The following RUSC2 variants were observed in gnomAD, a reference collection of about 807,000 sequenced individuals.
RUSC2 encodes AP-4 complex accessory subunit RUSC2.
In RUSC2, 34 loss-of-function variants were observed where a neutral mutation model predicts 122.2. That is an observed-to-expected ratio of 0.28 (90% CI 0.21 to 0.37). The LOEUF (loss-of-function observed/expected upper bound fraction) is 0.37. RUSC2 is among the 10% of genes least tolerant of loss of function. The pLI, the probability that RUSC2 is intolerant of heterozygous loss-of-function variation, is 1.00. For missense variants in RUSC2, 1,747 were observed against 1,952.4 expected (o/e 0.89, Z 1.98); for synonymous variants, 784 against 790.0 (o/e 0.99, Z 0.13).
chr9:35,559,185 A>T (rs1822088378), intron 8 of RUSC2, 41 bp from the exon 9 acceptor site: 5 of 1,549,442 alleles, frequency 3.2e-6, no homozygotes, highest in Non-Finnish European at 4.5e-6. Context: ...ATCTGGCTGT[A>T]TTCACACAAG....
rs2132554106 is a variant in RUSC2 at position 35,547,932 on chromosome 9, G to A, written c.1411G>A (p.Val471Met). The A allele has an allele frequency of 6.2e-7, 1 of 1,614,250 alleles. No individual in the cohort carries two copies. The highest frequency in any genetic ancestry group is 8.5e-7 in the Non-Finnish European group (1 of 1,180,044). The stretch of plus-strand genomic sequence containing the variant: ...TTCCTCCACCCAAGCAGCAGCTGCT[G>A]TGGGCCCCACTGTGCTTGAGGGACA... The part of the protein sequence containing the change: ...VSSSTQAAAA[V>M]GPTVLEGQVY... The change falls in exon 2 of 12, where the codon GTG becomes ATG. Residue 471 changes from valine (V) to methionine (M), a missense_variant. Transcript: ENST00000361226. The surrounding 1 kb of genome is among the most constrained non-coding windows in gnomAD (Gnocchi z 4.6).
chr9:35,520,507 T>A (rs1012749994), intron 1 of RUSC2, among the ~76,000 whole-genome samples: 2 of 152,234 alleles, frequency 1.3e-5, no homozygotes, highest in African/African-American at 4.8e-5. Flanking sequence ...ATGTGGCCTT[T>A]TATTTACAGC....
Position 35,549,459 on chromosome 9 carries a change from ACT to A in RUSC2, c.2014+927_2014+928del, listed in dbSNP as rs547406166. Among the ~76,000 whole-genome samples the A allele has an allele frequency of 1.9e-4, 29 of 152,230 alleles. No homozygotes were observed. The South Asian group carries it at 5.2e-3, about 27-fold the overall frequency. The stretch of plus-strand genomic sequence containing the variant: ...TAGTGACAGAGAGATGAGAGGGATG[ACT>A]CTGTTTTCAAGGATTCCAGCTAAGG... On this transcript the variant is annotated intron_variant, in intron 2 of 11. Transcript: ENST00000361226.
rs183990185 is a variant in RUSC2 at position 35,532,003 on chromosome 9, G to A, written c.-92-14427G>A. 7.9e-5 allele frequency among the ~76,000 whole-genome samples: 12 copies of A among 152,300 alleles called. No homozygotes were observed. The East Asian group carries it at 1.9e-3, about 25-fold the overall frequency. On this transcript the variant is annotated intron_variant, in intron 1 of 11. Coordinates refer to ENST00000361226, the MANE Select transcript of RUSC2 (RefSeq NM_014806.5). ...ATCATGCCACTGCACTCCAGCCTGG[G>A]CAACAGAGCAAGACTCTGTCTAAAA...
At chr9:35,531,178 A>ACT (rs1821412129) in intron 1 of RUSC2, among the ~76,000 whole-genome samples, 2 of 152,054 alleles carry the variant, frequency 1.3e-5, no homozygotes, top group Non-Finnish European at 2.9e-5. Context: ...GGAGAATGGC[A>ACT]TGAACCTGGG....
At chr9:35,505,258 C>T (rs1024078379) in intron 1 of RUSC2, among the ~76,000 whole-genome samples, 1 of 152,134 alleles carries the variant, frequency 6.6e-6, no homozygotes, top group African/African-American at 2.4e-5. Context: ...TTTCATTACT[C>T]CTTTCAGCAA....
intron 1 of RUSC2, among the ~76,000 whole-genome samples, chr9:35,513,940 T>TA (rs1587842452): frequency 2.1e-5 from 2 of 97,528 alleles, no homozygotes; most frequent in Admixed American, 1.1e-4. Context: ...ATATATATAT[T>TA]ACTTTATGTG....
At chr9:35,517,557 G>A (rs1186666225) in intron 1 of RUSC2, among the ~76,000 whole-genome samples, 1 of 152,164 alleles carries the variant, frequency 6.6e-6, no homozygotes, top group Non-Finnish European at 1.5e-5. Flanking sequence ...GGGAGTAAGT[G>A]AAATTGTTTC....
chr9:35,554,314 G>A (rs1271473682), intron 2 of RUSC2, among the ~76,000 whole-genome samples: 3 of 152,190 alleles, frequency 2.0e-5, no homozygotes, highest in African/African-American at 4.8e-5. Flanking sequence ...ACATACCTCC[G>A]TTCAGGGGGA....
chr9:35,508,746 C>T (rs2132503095), intron 1 of RUSC2, among the ~76,000 whole-genome samples: 1 of 152,316 alleles, frequency 6.6e-6, no homozygotes, highest in East Asian at 1.9e-4. Flanking sequence ...TAAAATCAAC[C>T]TATAGCGAAA....
At chr9:35,549,246 G>A (rs1051359134) in intron 2 of RUSC2, 1 of 984,394 alleles carries the variant, frequency 1.0e-6, no homozygotes, top group Non-Finnish European at 1.2e-6. Flanking sequence ...GGGCAACCAA[G>A]GGATATGTCT....
rs1820794262 is a variant in RUSC2 at position 35,500,120 on chromosome 9, C to G, written c.-93+9948C>G. Among the ~76,000 whole-genome samples, 4 of 139,550 alleles carry G rather than the reference C, an allele frequency of 2.9e-5. No homozygotes were observed. The South Asian group carries it at 8.9e-4, about 31-fold the overall frequency. 91.6% of individuals were successfully genotyped at this position (139,550 alleles called of 152,430 possible). ...ATTTCCTTTTAAACATCTCCCAAAG[C>G]CTAGTGATTCAGACGTTTCTGCCTT... On this transcript the variant is annotated intron_variant, in intron 1 of 11. Coordinates refer to ENST00000361226, the MANE Select transcript of RUSC2 (RefSeq NM_014806.5).
At chr9:35,502,700 A>C (rs368524821) in intron 1 of RUSC2, among the ~76,000 whole-genome samples, 1 of 152,212 alleles carries the variant, frequency 6.6e-6, no homozygotes, top group East Asian at 1.9e-4. Context: ...TAGAGGCCAA[A>C]ATTTTAGCAG....
At chr9:35,541,897 T>A (rs1457738823) in intron 1 of RUSC2, among the ~76,000 whole-genome samples, 1 of 148,938 alleles carries the variant, frequency 6.7e-6, no homozygotes, top group Non-Finnish European at 1.5e-5. Flanking sequence ...TTTATATATA[T>A]AAAATTTTTT....
In RUSC2 at chr9:35,555,883, T is replaced by C; in HGVS notation, c.2657-69T>C. ...TAGTGTTTCATATGGGCCCACTGGG[T>C]GGATGTGAAACTCTGTCTCGCTGTC... On this transcript the variant is annotated intron_variant, in intron 3 of 11. Transcript: ENST00000361226. The surrounding 1 kb of genome is among the most constrained non-coding windows in gnomAD (Gnocchi z 4.6). 1 of 1,554,934 alleles carries C rather than the reference T, an allele frequency of 6.4e-7. No individual in the cohort carries two copies. The highest frequency in any genetic ancestry group is 8.8e-7 in the Non-Finnish European group (1 of 1,141,770).
At position 35,555,783 on chromosome 9, in the gene RUSC2, A is replaced by T. The variant is rs1822003844; in HGVS notation, c.2656+82A>T. 6.7e-7 allele frequency: 1 copy of T among 1,500,464 alleles called. No homozygotes were observed. The highest frequency in any genetic ancestry group is 1.4e-5 in the African/African-American group (1 of 71,326). 92.9% of individuals were successfully genotyped at this position (1,500,464 alleles called of 1,614,324 possible). The stretch of plus-strand genomic sequence containing the variant: ...ACCTCCCCTTTGAGTGGTTGCTTAC[A>T]CTCTCACCTGGGGCCAGAGGTTAGG... On this transcript the variant is annotated intron_variant, in intron 3 of 11. Coordinates refer to ENST00000361226, the MANE Select transcript of RUSC2 (RefSeq NM_014806.5). This position sits in a 1 kb window ranked among gnomAD's most constrained non-coding sequence, Gnocchi z 4.6.
chr9:35,491,444 A>ATGCT (rs1820566021), intron 1 of RUSC2, among the ~76,000 whole-genome samples: 1 of 152,204 alleles, frequency 6.6e-6, no homozygotes, highest in Non-Finnish European at 1.5e-5. Flanking sequence ...GTATTCTGTT[A>ATGCT]GTTATGCCCG....
At chr9:35,549,587 G>A (rs1042016501) in intron 2 of RUSC2, among the ~76,000 whole-genome samples, 9 of 152,202 alleles carry the variant, frequency 5.9e-5, no homozygotes, top group African/African-American at 1.9e-4. Flanking sequence ...ACGTCAGGGA[G>A]GAACTGCTAA....
In RUSC2 at chr9:35,561,664, C is replaced by G. The variant is rs1822180804; in HGVS notation, c.*282C>G. ...CAACCCTTCCATGGGTGAAGACAAG[C>G]AAGTCCCCCTGGAGGCGGGTGGCCC... On this transcript the variant is annotated 3_prime_UTR_variant, in exon 12 of 12. Transcript: ENST00000361226. The G allele has an allele frequency of 1.9e-6, 1 of 540,354 alleles. No homozygotes were observed. Among genetic ancestry groups the G allele is most frequent in the African/African-American group, 1.9e-5 (1 of 52,914 alleles). 33.5% of individuals were successfully genotyped at this position (540,354 alleles called of 1,614,324 possible).
Sources: gnomAD v4.1 joint callset for allele counts (sites outside exome capture counted in the v4.1 genomes callset) on GRCh38, gnomAD v4.1.1 for gene constraint, Gnocchi (gnomAD v3.1) non-coding constraint, MANE v1.5 for transcripts, NCBI Gene and HGNC (gene_info 2026-07-23, HGNC 2026-07-21) for gene names.